LHFPL3: variants seen among roughly 807,000 people sequenced by gnomAD.
LHFPL3 encodes the protein LHFPL tetraspan subfamily member 3.
In LHFPL3, 5 loss-of-function variants were observed where a neutral mutation model predicts 19.3. That is an observed-to-expected ratio of 0.26 (90% CI 0.14 to 0.54). The LOEUF (loss-of-function observed/expected upper bound fraction) is 0.54, where lower values mean the gene tolerates loss of function less well. Among genes scored for constraint, LHFPL3 ranks in the 20% least tolerant of loss-of-function variants. LHFPL3 has a pLI of 0.94. For synonymous variants in LHFPL3, 133 were observed against 126.2 expected (o/e 1.05, Z -0.36); for missense variants, 249 against 307.4 (o/e 0.81, Z 1.42).
intron 1 of LHFPL3, among the ~76,000 whole-genome samples, chr7:104,409,118 C>T (rs1330354841): frequency 4.6e-5 from 7 of 151,214 alleles, no homozygotes; most frequent in African/African-American, 1.7e-4. Flanking sequence ...CCTTGTGATC[C>T]GCCCACCTCG....
chr7:104,697,577 C>T (rs1793022180), intron 1 of LHFPL3, among the ~76,000 whole-genome samples: 1 of 152,216 alleles, frequency 6.6e-6, no homozygotes, highest in East Asian at 1.9e-4. Context: ...TGTATTAGGT[C>T]AAAGAATATA....
intron 1 of LHFPL3, among the ~76,000 whole-genome samples, chr7:104,623,365 C>T (rs1791484911): frequency 6.6e-6 from 1 of 152,066 alleles, no homozygotes; most frequent in African/African-American, 2.4e-5. Context: ...TGCAGTGGCT[C>T]ACGTCTGTAA....
chr7:104,814,528 A>T (rs1234238689), intron 2 of LHFPL3, among the ~76,000 whole-genome samples: 4 of 152,046 alleles, frequency 2.6e-5, no homozygotes, highest in Non-Finnish European at 5.9e-5. Flanking sequence ...AGGTCCACGG[A>T]ACTGGCAGCC....
chr7:104,349,778 C>T (rs1399938335), intron 1 of LHFPL3, among the ~76,000 whole-genome samples: 3 of 152,158 alleles, frequency 2.0e-5, no homozygotes, highest in African/African-American at 7.2e-5. Flanking sequence ...ACATGCTATT[C>T]TAGAGTTCCC....
intron 2 of LHFPL3, among the ~76,000 whole-genome samples, chr7:104,757,105 A>G (rs1404910892): frequency 2.0e-5 from 3 of 152,322 alleles, no homozygotes; most frequent in South Asian, 2.1e-4. Flanking sequence ...TAAGCAATGA[A>G]GAAATGACTC....
intron 1 of LHFPL3, among the ~76,000 whole-genome samples, chr7:104,466,253 A>G (rs546755806): frequency 6.6e-6 from 1 of 152,324 alleles, no homozygotes; most frequent in African/African-American, 2.4e-5. Flanking sequence ...TTATTGGTCC[A>G]TGTAGGTACA....
At chr7:104,526,909 C>G (rs1287326416) in intron 1 of LHFPL3, among the ~76,000 whole-genome samples, 2 of 152,058 alleles carry the variant, frequency 1.3e-5, no homozygotes, top group Non-Finnish European at 2.9e-5. Context: ...AGTGGGGAGA[C>G]AGAAAATAAA....
At chr7:104,348,943 C>T (rs1459659261) in intron 1 of LHFPL3, among the ~76,000 whole-genome samples, 1 of 151,222 alleles carries the variant, frequency 6.6e-6, no homozygotes, top group African/African-American at 2.4e-5. Context: ...GCTGAAGAAC[C>T]TCTTTATTCT....
intron 2 of LHFPL3, among the ~76,000 whole-genome samples, chr7:104,800,862 A>C (rs767991479): frequency 9.2e-5 from 14 of 152,230 alleles, no homozygotes; most frequent in Non-Finnish European, 2.1e-4. Context: ...AAAGTGCAAT[A>C]AAAGATCCAG....
intron 1 of LHFPL3, among the ~76,000 whole-genome samples, chr7:104,417,932 G>A (rs1457527088): frequency 6.9e-6 from 1 of 144,354 alleles, no homozygotes; most frequent in Non-Finnish European, 1.5e-5. Context: ...ACCCAGTCTG[G>A]AGTGTAATGG....
intron 1 of LHFPL3, among the ~76,000 whole-genome samples, chr7:104,445,294 A>G (rs186627623): frequency 1.5e-3 from 232 of 152,232 alleles, no homozygotes; most frequent in Non-Finnish European, 3.0e-3. Flanking sequence ...TACAGACATA[A>G]GAGTCAAGGA....
At position 104,602,020 on chromosome 7, in the gene LHFPL3, C is replaced by CTTTTTTTTTTTTTTTTTTTTTT. The variant is rs57501560; in HGVS notation, c.446-134635_446-134634insTTTTTTTTTTTTTTTTTTTTTT. On this transcript the variant is annotated intron_variant, in intron 1 of 2. Coordinates refer to ENST00000424859, the MANE Select transcript of LHFPL3 (RefSeq NM_199000.3). ...TAGCAATTTATTTTCTTTTTCTTTT[C>CTTTTTTTTTTTTTTTTTTTTTT]TTTTTTTTTTTTTTTTTTTTCTGAC... Among the ~76,000 whole-genome samples, 8 of 91,450 alleles carry CTTTTTTTTTTTTTTTTTTTTTT rather than the reference C, an allele frequency of 8.7e-5. 1 individual carries two copies. Among genetic ancestry groups the CTTTTTTTTTTTTTTTTTTTTTT allele is most frequent in the African/African-American group, 8.7e-5 (2 of 23,048 alleles). 60.0% of individuals were successfully genotyped at this position (91,450 alleles called of 152,430 possible). A position where few individuals can be genotyped will look rare whatever the true frequency, so the allele number is the denominator to read the frequency against.
chr7:104,848,695 G>A (rs1023542770), intron 2 of LHFPL3, among the ~76,000 whole-genome samples: 8 of 152,134 alleles, frequency 5.3e-5, no homozygotes, highest in Non-Finnish European at 1.0e-4. Context: ...GGCTGCCCCT[G>A]AGCCACAGCA....
At chr7:104,351,245 T>C (rs1383385387) in intron 1 of LHFPL3, among the ~76,000 whole-genome samples, 1 of 152,132 alleles carries the variant, frequency 6.6e-6, no homozygotes, top group East Asian at 1.9e-4. Flanking sequence ...CTCTTCCAGA[T>C]CATCATACCT....
intron 1 of LHFPL3, among the ~76,000 whole-genome samples, chr7:104,511,574 T>G (rs1793813319): frequency 6.6e-6 from 1 of 152,164 alleles, no homozygotes; most frequent in South Asian, 2.1e-4. Context: ...CCAGATGTCT[T>G]TCAGTGGGTG....
chr7:104,848,900 G>GTTTT (rs529645748), intron 2 of LHFPL3, among the ~76,000 whole-genome samples: 3 of 149,384 alleles, frequency 2.0e-5, no homozygotes, highest in African/African-American at 7.3e-5. Context: ...TGTTTTTTTG[G>GTTTT]TTTTTTTTTT....
chr7:104,555,153 A>C (rs914824859), intron 1 of LHFPL3, among the ~76,000 whole-genome samples: 1 of 152,188 alleles, frequency 6.6e-6, no homozygotes, highest in South Asian at 2.1e-4. Context: ...TTTCCCAGCT[A>C]TCTAGGTATC....
At chr7:104,337,203 A>G (rs1349398301) in intron 1 of LHFPL3, among the ~76,000 whole-genome samples, 2 of 152,196 alleles carry the variant, frequency 1.3e-5, no homozygotes, top group Admixed American at 1.3e-4. Flanking sequence ...AACAACAACA[A>G]AAACAGGCAA....
At chr7:104,412,878 T>C (rs1791557791) in intron 1 of LHFPL3, among the ~76,000 whole-genome samples, 1 of 152,232 alleles carries the variant, frequency 6.6e-6, no homozygotes, top group Admixed American at 6.5e-5. Flanking sequence ...AATGACTCTT[T>C]CACTAGTGAG....
Sources: gnomAD v4.1 joint callset for allele counts (sites outside exome capture counted in the v4.1 genomes callset) on GRCh38, gnomAD v4.1.1 for gene constraint, MANE v1.5 for transcripts, NCBI Gene and HGNC (gene_info 2026-07-23, HGNC 2026-07-21) for gene names.